The following RBFOX1 variants were observed in gnomAD, a reference collection of about 807,000 sequenced individuals.
The protein encoded by RBFOX1 is RNA binding fox-1 homolog 1, also known as RNA binding protein fox-1 homolog 1.
Under a neutral mutation model 57.7 loss-of-function variants are expected in RBFOX1, and 8 were observed. That is an observed-to-expected ratio of 0.14 (90% CI 0.08 to 0.25). The LOEUF (loss-of-function observed/expected upper bound fraction) is 0.25. Among genes scored for constraint, RBFOX1 ranks in the 10% least tolerant of loss-of-function variants. The pLI is 1.00. For synonymous variants in RBFOX1, 326 were observed against 222.4 expected (o/e 1.47, Z -4.15); for missense variants, 611 against 548.5 (o/e 1.11, Z -1.14).
chr16:7,149,395 A>G (rs1007828269), intron 4 of RBFOX1, among the ~76,000 whole-genome samples: 13 of 151,046 alleles, frequency 8.6e-5, no homozygotes, highest in African/African-American at 3.2e-4. Context: ...CTCCATTCCC[A>G]CTGGTGAGAG....
intron 1 of RBFOX1, chr16:5,240,174 G>T (rs1236989008): frequency 9.3e-7 from 1 of 1,071,736 alleles, no homozygotes; most frequent in Non-Finnish European, 1.4e-6. Context: ...CGGGGTAGGG[G>T]CTGCGGGAGG....
At chr16:5,745,255 C>G (rs1328489364) in intron 3 of RBFOX1, among the ~76,000 whole-genome samples, 3 of 152,178 alleles carry the variant, frequency 2.0e-5, no homozygotes, top group Non-Finnish European at 2.9e-5. Context: ...ATCCATGTCT[C>G]TACAAAGGAC....
intron 1 of RBFOX1, among the ~76,000 whole-genome samples, chr16:6,218,503 T>C (rs2097350830): frequency 6.6e-6 from 1 of 152,046 alleles, no homozygotes; most frequent in Admixed American, 6.6e-5. Context: ...AGAGATGGGA[T>C]TCTACCCTGT....
intron 1 of RBFOX1, among the ~76,000 whole-genome samples, chr16:6,083,401 T>C (rs1340466000): frequency 1.3e-5 from 2 of 152,236 alleles, no homozygotes; most frequent in Admixed American, 1.3e-4. Flanking sequence ...CATGTGTTCC[T>C]AGATATGCTG....
chr16:6,921,327 G>C (rs2074396213), intron 3 of RBFOX1, among the ~76,000 whole-genome samples: 1 of 152,164 alleles, frequency 6.6e-6, no homozygotes, highest in South Asian at 2.1e-4. Context: ...CATGACTCCA[G>C]TGAACCTGTC....
chr16:6,523,685 C>T (rs762045580), intron 2 of RBFOX1, among the ~76,000 whole-genome samples: 1 of 151,948 alleles, frequency 6.6e-6, no homozygotes, highest in South Asian at 2.1e-4. Context: ...ATGAATTGTT[C>T]AAATCTGTTA....
intron 3 of RBFOX1, among the ~76,000 whole-genome samples, chr16:6,850,808 C>T (rs552779140): frequency 6.6e-6 from 1 of 152,160 alleles, no homozygotes; most frequent in East Asian, 1.9e-4. Flanking sequence ...TTTGGAAAAT[C>T]ATCTCTCATT....
At chr16:6,737,648 G>C (rs1400628682) in intron 3 of RBFOX1, among the ~76,000 whole-genome samples, 1 of 152,188 alleles carries the variant, frequency 6.6e-6, no homozygotes, top group Non-Finnish European at 1.5e-5. Flanking sequence ...GAAGAGTGAA[G>C]AGTGTTAATC....
At chr16:5,708,489 C>T (rs1437106149) in intron 3 of RBFOX1, among the ~76,000 whole-genome samples, 3 of 152,192 alleles carry the variant, frequency 2.0e-5, no homozygotes, top group South Asian at 2.1e-4. Flanking sequence ...GATCCACCTG[C>T]GTCCAGCTGG....
rs571924468 is a variant in RBFOX1, at chr16:7,113,096, C to T, written c.27+60998C>T. On this transcript the variant is annotated intron_variant, in intron 4 of 15. Transcript: ENST00000550418. Reference sequence around the variant, plus strand: ...TTAATTTTTCCTATTGCTTCAGGCACATGTTGAACCACGGTCAATTCAAGT... The same window carrying T: ...TTAATTTTTCCTATTGCTTCAGGCATATGTTGAACCACGGTCAATTCAAGT... Among the ~76,000 whole-genome samples, 3 of 152,286 alleles carry T rather than the reference C, an allele frequency of 2.0e-5. No individual in the cohort carries two copies. In the East Asian group the frequency reaches 5.8e-4, roughly 29 times the overall value.
intron 2 of RBFOX1, among the ~76,000 whole-genome samples, chr16:6,583,030 G>GTC (rs56039447): frequency 0.38 from 57,403 of 149,556 alleles, 12,002 homozygotes; most frequent in Non-Finnish European, 0.47. Flanking sequence ...CTTGCTCGAT[G>GTC]TCTCTCTCTC....
chr16:6,120,291 C>G lies in RBFOX1; in HGVS notation c.-127+100299C>G, dbSNP rs566613192. 9.2e-5 allele frequency among the ~76,000 whole-genome samples: 14 copies of G among 152,294 alleles called. No homozygotes were observed. The South Asian group carries it at 2.7e-3, about 29-fold the overall frequency. Reference sequence around the variant, plus strand: ...GTTTTCAGTTCTTTTGGGCACATACCTAGGAGTGGAATTGCTGGATCATGC... The same window carrying G: ...GTTTTCAGTTCTTTTGGGCACATACGTAGGAGTGGAATTGCTGGATCATGC... On this transcript the variant is annotated intron_variant, in intron 1 of 15. Coordinates refer to ENST00000550418, the MANE Select transcript of RBFOX1 (RefSeq NM_018723.4).
intron 3 of RBFOX1, among the ~76,000 whole-genome samples, chr16:6,781,775 T>G (rs917303332): frequency 2.6e-5 from 4 of 152,194 alleles, no homozygotes; most frequent in African/African-American, 9.6e-5. Flanking sequence ...AATATTTTCT[T>G]AGCTCTGATT....
intron 4 of RBFOX1, among the ~76,000 whole-genome samples, chr16:7,493,975 T>G (rs191347168): frequency 9.0e-4 from 137 of 152,336 alleles, no homozygotes; most frequent in African/African-American, 3.2e-3. Context: ...CTTAGTTATT[T>G]GAAGAACCAC....
intron 4 of RBFOX1, among the ~76,000 whole-genome samples, chr16:7,415,448 C>A (rs949456990): frequency 3.3e-5 from 5 of 152,078 alleles, no homozygotes; most frequent in African/African-American, 9.7e-5. Flanking sequence ...ACTGAATTTC[C>A]CAGCAATGAG....
chr16:6,601,202 C>A (rs749433870), intron 2 of RBFOX1, among the ~76,000 whole-genome samples: 2 of 152,060 alleles, frequency 1.3e-5, no homozygotes, highest in Admixed American at 6.5e-5. Flanking sequence ...TTTTTAAGAT[C>A]ATGAAATGGA....
At chr16:5,899,027 C>T (rs1482355673) in intron 4 of RBFOX1, among the ~76,000 whole-genome samples, 1 of 151,440 alleles carries the variant, frequency 6.6e-6, no homozygotes, top group African/African-American at 2.4e-5. Flanking sequence ...TTGCAGTGAG[C>T]CTCACTGCTT....
At chr16:6,858,010 AAAGGC>A (rs1445237623) in intron 3 of RBFOX1, among the ~76,000 whole-genome samples, 1 of 152,184 alleles carries the variant, frequency 6.6e-6, no homozygotes, top group African/African-American at 2.4e-5. Context: ...AGCATATGGA[AAAGGC>A]AAGGCTTTTC....
chr16:6,304,534 G>A (rs2079220632), intron 1 of RBFOX1, among the ~76,000 whole-genome samples: 1 of 152,038 alleles, frequency 6.6e-6, no homozygotes, highest in East Asian at 1.9e-4. Flanking sequence ...TATGCCTGAG[G>A]AGGGGAGACG....
Sources: allele counts gnomAD v4.1 joint callset (sites outside exome capture counted in the v4.1 genomes callset), GRCh38; gene constraint gnomAD v4.1.1; transcripts MANE v1.5; gene names NCBI Gene and HGNC (gene_info 2026-07-23, HGNC 2026-07-21).